USP24: variants seen among roughly 807,000 people sequenced by gnomAD.
USP24 encodes the protein ubiquitin carboxyl-terminal hydrolase 24.
A neutral mutation model predicts 361.6 loss-of-function variants in USP24; 97 were observed. The observed-to-expected ratio is 0.27, with a 90% CI of 0.23 to 0.32. The LOEUF (loss-of-function observed/expected upper bound fraction) is 0.32, where lower values mean the gene tolerates loss of function less well. USP24 is among the 10% of genes least tolerant of loss of function. USP24 has a pLI of 1.00. For missense variants in USP24, 2,353 were observed against 3,165.6 expected (o/e 0.74, Z 6.16); for synonymous variants, 1,098 against 1,124.6 (o/e 0.98, Z 0.47).
At chr1:55,179,647 C>T (rs1643905020) in intron 1 of USP24, among the ~76,000 whole-genome samples, 1 of 152,172 alleles carries the variant, frequency 6.6e-6, no homozygotes, top group African/African-American at 2.4e-5. Context: ...GGGGATCATT[C>T]TTAACATTTT....
chr1:55,129,443 G>T, intron 32 of USP24, 34 bp downstream of exon 32: 1 of 1,570,476 alleles, frequency 6.4e-7, no homozygotes, highest in Non-Finnish European at 8.8e-7. Flanking sequence ...ATTCATTTTC[G>T]GCAACTCATG....
intron 1 of USP24, among the ~76,000 whole-genome samples, chr1:55,189,371 T>C (rs1644226677): frequency 6.6e-6 from 1 of 152,214 alleles, no homozygotes. Context: ...TTACAGTATT[T>C]TGAATGAACA....
chr1:55,147,709 C>T lies in USP24; in HGVS notation c.2058G>A (p.Val686=), dbSNP rs753965977. Residue 686 remains valine, a synonymous_variant, in exon 18 of 68, where the codon GTG becomes GTA. Transcript: ENST00000294383. ...AGCCACTTAAGCCTCCAGGCCCGGC[C>T]ACAGCAGCTGCAAGCCGATGACAAG... ...LIACHRLAAA[V]AGPGGLSGST... The T allele has an allele frequency of 2.8e-5, 45 of 1,612,166 alleles. No homozygotes were observed. Among genetic ancestry groups the T allele is most frequent in the Non-Finnish European group, 3.6e-5 (43 of 1,179,158 alleles).
chr1:55,094,260 A>G (rs1166784680), intron 51 of USP24, among the ~76,000 whole-genome samples, 173 bp from the exon 52 acceptor site: 3 of 152,252 alleles, frequency 2.0e-5, no homozygotes, highest in Non-Finnish European at 4.4e-5. Context: ...AACAATTAAG[A>G]AATTAAAAAT....
chr1:55,093,122 T>G (rs1645418458), intron 52 of USP24, among the ~76,000 whole-genome samples: 1 of 152,230 alleles, frequency 6.6e-6, no homozygotes, highest in Non-Finnish European at 1.5e-5. Context: ...TAAGAACTAT[T>G]ATTCATTAAA....
intron 59 of USP24, among the ~76,000 whole-genome samples, chr1:55,080,599 AAT>A (rs1645130637): frequency 6.6e-6 from 1 of 152,220 alleles, no homozygotes; most frequent in Non-Finnish European, 1.5e-5. Context: ...CTTTAAACAC[AAT>A]AAATTTAAAG....
At position 55,191,265 on chromosome 1, in the gene USP24, G is replaced by A. The variant is rs149166185; in HGVS notation, c.325-13133C>T. Among the ~76,000 whole-genome samples, 492 of 152,158 alleles carry A rather than the reference G, an allele frequency of 3.2e-3. 2 individuals carry two copies. Among genetic ancestry groups the A allele is most frequent in the African/African-American group, 0.012 (482 of 41,520 alleles). ...AAAGTAAGAACAAGTAACATTGTTG[G>A]ATACATACTCATCTCTTCAGTATTT... is the stretch of plus-strand genomic sequence containing the variant. On this transcript the variant is annotated intron_variant, in intron 1 of 67. Coordinates refer to ENST00000294383, the MANE Select transcript of USP24 (RefSeq NM_015306.3).
rs1199193991 is a variant in USP24, at chr1:55,154,332, G to GT, written c.1650+38_1650+39insA. 2.6e-6 allele frequency: 4 copies of GT among 1,566,120 alleles called. No individual in the cohort carries two copies. In the Admixed American group the frequency reaches 5.8e-5, roughly 23 times the overall value. On this transcript the variant is annotated intron_variant, in intron 14 of 67. Transcript: ENST00000294383. ...CAGCCAATATGCAAATAGCTGCTTT[G>GT]AGCATTTGTAGCTAGAAAAATCCAT... is the stretch of plus-strand genomic sequence containing the variant.
At position 55,069,122 on chromosome 1, in the gene USP24, AGGAAGTTAAAGTTCATAC is replaced by A. The variant is rs776846955; in HGVS notation, c.7801-33_7801-16del. 4.3e-6 allele frequency: 7 copies of A among 1,613,932 alleles called. No individual in the cohort carries two copies. Among genetic ancestry groups the A allele is most frequent in the Non-Finnish European group, 5.9e-6 (7 of 1,179,860 alleles). On this transcript the variant is annotated splice_polypyrimidine_tract_variant and intron_variant, in intron 67 of 67. Transcript: ENST00000294383. The stretch of plus-strand genomic sequence containing the variant: ...GATTCTGAACCCTGCAGAAAAGAAA[AGGAAGTTAAAGTTCATAC>A]GGTTAGAGAAAAGGTTTTCTATGCT...
chr1:55,089,802 G>C (rs1645335147), intron 54 of USP24, 62 bp from the exon 55 acceptor site: 1 of 1,130,824 alleles, frequency 8.8e-7, no homozygotes, highest in Non-Finnish European at 1.3e-6. Context: ...ACCTCATGCA[G>C]TGCACTCTTG....
At chr1:55,193,222 G>A (rs1644334853) in intron 1 of USP24, among the ~76,000 whole-genome samples, 2 of 152,114 alleles carry the variant, frequency 1.3e-5, no homozygotes, top group Non-Finnish European at 2.9e-5. Context: ...GTACACAGGA[G>A]GATGTGCTTA....
intron 7 of USP24, among the ~76,000 whole-genome samples, chr1:55,164,239 G>C (rs141938735): frequency 3.5e-4 from 53 of 151,964 alleles, no homozygotes; most frequent in Middle Eastern, 3.4e-3. Context: ...AAAAGAGAGA[G>C]AGAGAAAGAA....
chr1:55,129,603 T>C, intron 31 of USP24, 29 bp from the exon 32 acceptor site: 1 of 1,577,296 alleles, frequency 6.3e-7, no homozygotes. Flanking sequence ...CAATTATTCA[T>C]CCACACATTT....
At position 55,069,023 on chromosome 1, in the gene USP24, C is replaced by G; in HGVS notation, c.*22G>C. The G allele has an allele frequency of 6.2e-7, 1 of 1,613,662 alleles. No homozygotes were observed. Among genetic ancestry groups the G allele is most frequent in the Non-Finnish European group, 8.5e-7 (1 of 1,179,574 alleles). ...AGCATCCAGTATTGTGTCTTGACTC[C>G]TCTCAGGCTGGGCATGTTCCTCTAG... On this transcript the variant is annotated 3_prime_UTR_variant, in exon 68 of 68. Transcript: ENST00000294383.
intron 59 of USP24, among the ~76,000 whole-genome samples, chr1:55,079,997 G>A (rs998952645): frequency 6.6e-6 from 1 of 152,118 alleles, no homozygotes; most frequent in African/African-American, 2.4e-5. Flanking sequence ...GATACCTAGT[G>A]ATTCCCACTC....
intron 59 of USP24, 97 bp from the exon 60 acceptor site, chr1:55,079,756 C>A: frequency 6.9e-7 from 1 of 1,446,092 alleles, no homozygotes; most frequent in South Asian, 1.6e-5. Context: ...TCAAGACTCG[C>A]ACACACACTG....
At position 55,153,859 on chromosome 1, in the gene USP24, C is replaced by A; in HGVS notation, c.1860+11G>T. On this transcript the variant is annotated intron_variant, in intron 16 of 67. Transcript: ENST00000294383. ...TATACCTTTTAGTTGGTTCCATCTG[C>A]AAATTCTTACCTTGAATCCATCCTT... 1 of 1,550,022 alleles carries A rather than the reference C, an allele frequency of 6.5e-7. No individual in the cohort carries two copies. Among genetic ancestry groups the A allele is most frequent in the Non-Finnish European group, 8.7e-7 (1 of 1,146,368 alleles).
At chr1:55,201,510 G>C (rs891160745) in intron 1 of USP24, among the ~76,000 whole-genome samples, 4 of 149,272 alleles carry the variant, frequency 2.7e-5, no homozygotes, top group African/African-American at 1.0e-4. Context: ...CTGAGGCAGG[G>C]GAATCGCCTG....
At chr1:55,071,064 T>C in intron 67 of USP24, 1 of 919,302 alleles carries the variant, frequency 1.1e-6, no homozygotes, top group Non-Finnish European at 1.3e-6. Flanking sequence ...TACCTTTCTG[T>C]AAAATCAGGG....
Sources: allele counts gnomAD v4.1 joint callset (sites outside exome capture counted in the v4.1 genomes callset), GRCh38; gene constraint gnomAD v4.1.1; transcripts MANE v1.5; gene names NCBI Gene and HGNC (gene_info 2026-07-23, HGNC 2026-07-21).